The following ADAM23 variants were observed in gnomAD, a reference collection of about 807,000 sequenced individuals.
ADAM23 encodes disintegrin and metalloproteinase domain-containing protein 23.
In ADAM23, 33 loss-of-function variants were observed where a neutral mutation model predicts 120.1. That is an observed-to-expected ratio of 0.27 (90% CI 0.21 to 0.37). ADAM23 has a LOEUF of 0.37. ADAM23 is among the 10% of genes least tolerant of loss of function. ADAM23 has a pLI of 1.00. For missense variants in ADAM23, 862 were observed against 1,058.2 expected, an observed-to-expected ratio of 0.81 and a Z score of 2.57; for synonymous variants, 367 against 375.2, an observed-to-expected ratio of 0.98 and a Z score of 0.25.
At chr2:206,531,831 C>T (rs552844209) in intron 4 of ADAM23, among the ~76,000 whole-genome samples, 29 of 152,318 alleles carry the variant, frequency 1.9e-4, no homozygotes, top group Non-Finnish European at 3.2e-4. Flanking sequence ...GCACCTTTCC[C>T]GTATGTGGAC....
chr2:206,483,091 A>G (rs1186254827), intron 3 of ADAM23, among the ~76,000 whole-genome samples: 1 of 152,220 alleles, frequency 6.6e-6, no homozygotes, highest in African/African-American at 2.4e-5. Context: ...AAATCAAGTC[A>G]GGGGAATAAA....
intron 24 of ADAM23, among the ~76,000 whole-genome samples, chr2:206,600,074 C>T (rs968623621): frequency 1.4e-4 from 22 of 152,282 alleles, no homozygotes; most frequent in Non-Finnish European, 2.8e-4. Flanking sequence ...TGGTGGCAGG[C>T]ACCTGTAGTC....
chr2:206,597,662 G>A (rs1014367232), intron 24 of ADAM23, among the ~76,000 whole-genome samples: 6 of 152,254 alleles, frequency 3.9e-5, no homozygotes, highest in African/African-American at 1.4e-4. Context: ...TATATACAGG[G>A]ATGACGTTGT....
Position 206,570,809 on chromosome 2 carries a change from G to A in ADAM23, c.1564G>A (p.Val522Met). The change falls in exon 16 of 26, where the codon GTG becomes ATG. Residue 522 changes from valine to methionine, a missense_variant and splice_region_variant. By Grantham distance (21) the Val-to-Met change is conservative (BLOSUM62 1). Coordinates refer to ENST00000264377, the MANE Select transcript of ADAM23 (RefSeq NM_003812.4). The part of the protein sequence containing the change: ...AGEECDCGFH[V>M]ECYGLCCKKC... ...GGAGGAGTGTGATTGTGGTTTTCAT[G>A]TGGTAGGTATAAGAAACCTTCTATA... 1 of 1,613,334 alleles carries A rather than the reference G, an allele frequency of 6.2e-7. No individual in the cohort carries two copies. Among genetic ancestry groups the A allele is most frequent in the Non-Finnish European group, 8.5e-7 (1 of 1,179,332 alleles).
intron 24 of ADAM23, among the ~76,000 whole-genome samples, chr2:206,599,113 G>A (rs1413253584): frequency 6.6e-6 from 1 of 150,728 alleles, no homozygotes; most frequent in Non-Finnish European, 1.5e-5. Context: ...GCTGAGGTAG[G>A]AGAATCGCTT....
At chr2:206,475,769 C>T (rs1386403591) in intron 2 of ADAM23, among the ~76,000 whole-genome samples, 2 of 151,762 alleles carry the variant, frequency 1.3e-5, no homozygotes, top group African/African-American at 4.8e-5. Flanking sequence ...ATAAAATGTC[C>T]TGAATCTCAA....
chr2:206,510,651 A>G (rs564929317), intron 3 of ADAM23, among the ~76,000 whole-genome samples: 4 of 152,330 alleles, frequency 2.6e-5, no homozygotes, highest in South Asian at 4.1e-4. Context: ...TGAGTGTTGT[A>G]TTTCATGAGT....
intron 2 of ADAM23, among the ~76,000 whole-genome samples, chr2:206,467,321 A>T (rs1029305554): frequency 6.6e-6 from 1 of 152,234 alleles, no homozygotes; most frequent in African/African-American, 2.4e-5. Context: ...CAAAACCAAG[A>T]TAGTTACTTC....
intron 22 of ADAM23, among the ~76,000 whole-genome samples, chr2:206,593,592 C>T (rs778614734): frequency 1.3e-5 from 2 of 151,798 alleles, no homozygotes; most frequent in African/African-American, 2.4e-5. Context: ...GCTCTGAAGA[C>T]AATTCTAACA....
At chr2:206,462,858 C>T (rs1235053449) in intron 2 of ADAM23, among the ~76,000 whole-genome samples, 2 of 152,034 alleles carry the variant, frequency 1.3e-5, no homozygotes, top group African/African-American at 2.4e-5. Flanking sequence ...CAGGAAGCCA[C>T]TGATGGGTTT....
intron 4 of ADAM23, among the ~76,000 whole-genome samples, chr2:206,535,563 T>TC (rs1282801731): frequency 6.6e-6 from 1 of 152,216 alleles, no homozygotes; most frequent in African/African-American, 2.4e-5. Flanking sequence ...TAAATGTCCT[T>TC]CAATTGTTGA....
intron 2 of ADAM23, among the ~76,000 whole-genome samples, chr2:206,463,842 A>C (rs1412288356): frequency 3.9e-5 from 6 of 152,238 alleles, no homozygotes; most frequent in African/African-American, 1.4e-4. Flanking sequence ...TTGTGGAAAA[A>C]CAGCTTAGTA....
At chr2:206,496,436 A>G (rs902053168) in intron 3 of ADAM23, among the ~76,000 whole-genome samples, 1 of 152,218 alleles carries the variant, frequency 6.6e-6, no homozygotes, top group Non-Finnish European at 1.5e-5. Flanking sequence ...AGAAATAAAG[A>G]TGTTCTTTGA....
intron 3 of ADAM23, among the ~76,000 whole-genome samples, chr2:206,503,976 G>A (rs1268621546): frequency 6.6e-6 from 1 of 152,070 alleles, no homozygotes; most frequent in Non-Finnish European, 1.5e-5. Flanking sequence ...GTCTTATATT[G>A]TAAAGCCTCA....
chr2:206,571,939 G>T, intron 17 of ADAM23, 123 bp downstream of exon 17: 1 of 738,344 alleles, frequency 1.4e-6, no homozygotes, highest in Non-Finnish European at 2.2e-6. Flanking sequence ...ATATTAGCCT[G>T]GCAGTTTTCT....
In ADAM23 at chr2:206,559,196, G is replaced by T. The variant is rs550349482; in HGVS notation, c.1006-759G>T. On this transcript the variant is annotated intron_variant, in intron 10 of 25. Coordinates refer to ENST00000264377, the MANE Select transcript of ADAM23 (RefSeq NM_003812.4). Reference sequence around the variant, plus strand: ...CCTGACCCTGTGAAGCACCCGCCTCGGCCTTCCAAAGTGCTGGGATTACAG... The same window carrying T: ...CCTGACCCTGTGAAGCACCCGCCTCTGCCTTCCAAAGTGCTGGGATTACAG... Among the ~76,000 whole-genome samples the T allele has an allele frequency of 2.1e-3, 326 of 152,198 alleles. 1 individual carries two copies. Among genetic ancestry groups the T allele is most frequent in the Non-Finnish European group, 2.2e-3 (148 of 68,008 alleles).
At chr2:206,457,017 G>A (rs1239958087) in intron 2 of ADAM23, among the ~76,000 whole-genome samples, 1 of 152,142 alleles carries the variant, frequency 6.6e-6, no homozygotes, top group Non-Finnish European at 1.5e-5. Context: ...TATAATAGCT[G>A]TATTGCAGAT....
intron 6 of ADAM23, among the ~76,000 whole-genome samples, chr2:206,545,304 G>A (rs1286348326): frequency 6.6e-6 from 1 of 152,024 alleles, no homozygotes; most frequent in Non-Finnish European, 1.5e-5. Context: ...CAGCCAATAT[G>A]GTGAAACCCT....
intron 4 of ADAM23, among the ~76,000 whole-genome samples, chr2:206,536,323 A>G (rs1697174928): frequency 1.3e-5 from 2 of 151,422 alleles, no homozygotes; most frequent in Non-Finnish European, 2.9e-5. Flanking sequence ...ATATGTATTT[A>G]TGTTGGTGCA....
Sources: allele counts gnomAD v4.1 joint callset (sites outside exome capture counted in the v4.1 genomes callset), GRCh38; gene constraint gnomAD v4.1.1; transcripts MANE v1.5; gene names NCBI Gene and HGNC (gene_info 2026-07-23, HGNC 2026-07-21).